IL17F: variants seen among roughly 807,000 people sequenced by gnomAD.
IL17F encodes the protein interleukin 17F.
IL17F carries 6 observed loss-of-function variants against 8.3 expected under a neutral mutation model. The ratio of observed to expected loss-of-function variants is 0.73; its 90% CI spans 0.40 to 1.43. The LOEUF (loss-of-function observed/expected upper bound fraction) is 1.43. IL17F is among the 40% of genes most tolerant of loss of function. The probability of loss-of-function intolerance (pLI) is 0.02; values close to 1 mark genes in which losing one functional copy is unlikely to be tolerated. For missense variants in IL17F, 204 were observed against 209.6 expected (o/e 0.97, Z 0.17); for synonymous variants, 98 against 81.6 (o/e 1.20, Z -1.08).
Position 52,244,415 on chromosome 6 carries a change from G to A in IL17F, c.15C>T (p.Thr5=). 3.1e-6 allele frequency: 5 copies of A among 1,613,982 alleles called. No homozygotes were observed. The highest frequency in any genetic ancestry group is 4.2e-6 in the Non-Finnish European group (5 of 1,179,912). ...TACTCACCATGGCTGGGCCATGCAG[G>A]GTCTTCACTGTCATGTTGCGCTGGT... MTVK[T]LHGPAMVKYL... Residue 5 remains threonine (T), a synonymous_variant, in exon 1 of 3, where the codon ACC becomes ACT. Coordinates refer to ENST00000336123, the MANE Select transcript of IL17F (RefSeq NM_052872.4).
chr6:52,239,153 C>A, intron 1 of IL17F: 1 of 586,098 alleles, frequency 1.7e-6, no homozygotes, highest in Non-Finnish European at 3.0e-6. Context: ...AGTAGCCTAG[C>A]TAGTAACTGA....
intron 1 of IL17F, among the ~76,000 whole-genome samples, chr6:52,244,039 G>A (rs1348006044): frequency 3.3e-5 from 5 of 152,010 alleles, no homozygotes; most frequent in Admixed American, 6.6e-5. Context: ...GATTACAGGC[G>A]TGAGCCACCA....
At position 52,239,651 on chromosome 6, in the gene IL17F, G is replaced by A. The variant is rs368219772; in HGVS notation, c.34-701C>T. 2.0e-4 allele frequency among the ~76,000 whole-genome samples: 16 copies of A among 79,940 alleles called. No individual in the cohort carries two copies. The East Asian group carries it at 5.3e-3, about 27-fold the overall frequency. The allele number at this position is 79,940 out of a possible 152,430, so 52.4% of individuals were successfully genotyped here. A position where few individuals can be genotyped will look rare whatever the true frequency, so the allele number is the denominator to read the frequency against. The stretch of plus-strand genomic sequence containing the variant: ...CATTTTTTAATTGTCTAGAAATGTA[G>A]TATTTGTGTTCCTGTCAGATCTACA... On this transcript the variant is annotated intron_variant, in intron 1 of 2. Transcript: ENST00000336123.
In IL17F at chr6:52,237,094, G is replaced by A; in HGVS notation, c.329C>T (p.Ala110Val). ...AQCRNLGCIN[A>V]QGKEDISMNS... ...CATGGAGATGTCTTCCTTTCCTTGAGCATTGATGCAGCCCAAGTTCCTACA... is the reference window on the plus strand; with the variant it reads ...CATGGAGATGTCTTCCTTTCCTTGAACATTGATGCAGCCCAAGTTCCTACA... The change falls in exon 3 of 3, where the codon GCT becomes GTT. Residue 110 changes from alanine to valine, a missense_variant. Coordinates refer to ENST00000336123, the MANE Select transcript of IL17F (RefSeq NM_052872.4). The A allele has an allele frequency of 1.2e-6, 2 of 1,614,220 alleles. No homozygotes were observed. Among genetic ancestry groups the A allele is most frequent in the Admixed American group, 1.7e-5 (1 of 60,022 alleles).
chr6:52,244,492 C>T lies in IL17F; in HGVS notation c.-63G>A. ...CTGTGAATGTATCTTCCTGTGTATG[C>T]CTGTGTTCTATCAATGAGAGTACCT... On this transcript the variant is annotated 5_prime_UTR_variant, in exon 1 of 3. Transcript: ENST00000336123. 6.7e-7 allele frequency: 1 copy of T among 1,496,332 alleles called. No individual in the cohort carries two copies. The highest frequency in any genetic ancestry group is 9.3e-7 in the Non-Finnish European group (1 of 1,072,692). 92.7% of individuals were successfully genotyped at this position (1,496,332 alleles called of 1,614,324 possible).
chr6:52,244,316 TCAAA>T (rs1439294133), intron 1 of IL17F, 77 bp downstream of exon 1: 2 of 1,355,580 alleles, frequency 1.5e-6, no homozygotes, highest in African/African-American at 1.4e-5. Context: ...AAGACCCCAA[TCAAA>T]CCTAATTCCT....
chr6:52,242,911 C>T (rs186859010), intron 1 of IL17F, among the ~76,000 whole-genome samples: 46 of 152,286 alleles, frequency 3.0e-4, no homozygotes, highest in Non-Finnish European at 6.3e-4. Flanking sequence ...AGAGTATAGA[C>T]TCATTTATTC....
intron 1 of IL17F, among the ~76,000 whole-genome samples, chr6:52,240,500 G>T (rs1013376979): frequency 6.7e-6 from 1 of 150,318 alleles, no homozygotes; most frequent in African/African-American, 2.4e-5. Flanking sequence ...GCTTAGCGTT[G>T]TTCAGGCTCA....
chr6:52,245,042 C>A (rs989986076), upstream of IL17F, among the ~76,000 whole-genome samples: 1 of 152,118 alleles, frequency 6.6e-6, no homozygotes, highest in Non-Finnish European at 1.5e-5. Flanking sequence ...ATTTTTTAAC[C>A]CCATGGTTAG....
At position 52,238,783 on chromosome 6, in the gene IL17F, G is replaced by T; in HGVS notation, c.201C>A (p.Arg67=). ...TCTCGATGTTACGTGACATGGAAAC[G>T]CGCTGGTTTTCATTGATGATGCCAA... is the stretch of plus-strand genomic sequence containing the variant. ...LDIGIINENQ[R]VSMSRNIESR... The change falls in exon 2 of 3, where the codon CGC becomes CGA. Residue 67 remains arginine, a synonymous_variant. Transcript: ENST00000336123. 1.2e-6 allele frequency: 2 copies of T among 1,614,146 alleles called. No individual in the cohort carries two copies. Among genetic ancestry groups the T allele is most frequent in the Non-Finnish European group, 1.7e-6 (2 of 1,180,008 alleles).
chr6:52,245,335 A>T (rs1764143314), upstream of IL17F, among the ~76,000 whole-genome samples: 1 of 152,230 alleles, frequency 6.6e-6, no homozygotes, highest in Admixed American at 6.5e-5. Flanking sequence ...CACCAATCAC[A>T]GGTCCAAGCC....
upstream of IL17F, chr6:52,244,644 A>C: frequency 1.7e-6 from 1 of 586,410 alleles, no homozygotes; most frequent in Non-Finnish European, 3.0e-6. Flanking sequence ...GAAGGGGAAC[A>C]AAAGGGGGAC....
chr6:52,243,035 A>C (rs1764099223), intron 1 of IL17F, among the ~76,000 whole-genome samples: 1 of 152,138 alleles, frequency 6.6e-6, no homozygotes, highest in Non-Finnish European at 1.5e-5. Context: ...TTACCCAAAA[A>C]TCCTACATTT....
chr6:52,239,012 A>G (rs1161943114), intron 1 of IL17F, 62 bp from the exon 2 acceptor site: 18 of 1,431,026 alleles, frequency 1.3e-5, no homozygotes, highest in Admixed American at 6.7e-5. Context: ...CAAGAGATGC[A>G]TGGTCTGGCG....
At chr6:52,237,892 G>A (rs910063555) in intron 2 of IL17F, among the ~76,000 whole-genome samples, 2 of 152,018 alleles carry the variant, frequency 1.3e-5, no homozygotes, top group African/African-American at 4.8e-5. Flanking sequence ...AAGGAAAACA[G>A]TCCCATTGGA....
At chr6:52,244,781 G>A (rs1374480794), upstream of IL17F, among the ~76,000 whole-genome samples, 1 of 152,124 alleles carries the variant, frequency 6.6e-6, no homozygotes, top group African/African-American at 2.4e-5. Context: ...GTTAGAAATT[G>A]TTGTCAAATC....
At chr6:52,238,287 C>T (rs1055422089) in intron 2 of IL17F, among the ~76,000 whole-genome samples, 1 of 152,234 alleles carries the variant, frequency 6.6e-6, no homozygotes, top group African/African-American at 2.4e-5. Context: ...AAGGTCTCCA[C>T]CTAACATCCC....
intron 1 of IL17F, among the ~76,000 whole-genome samples, chr6:52,240,330 G>A (rs575271378): frequency 4.6e-5 from 7 of 151,896 alleles, no homozygotes; most frequent in East Asian, 1.9e-4. Context: ...CCAGCTACTC[G>A]GGAGGCTGAG....
In IL17F at chr6:52,236,970, G is replaced by A. The variant is rs148267766; in HGVS notation, c.453C>T (p.Gly151=). The part of the protein sequence containing the change: ...FQLEKVLVTV[G]CTCVTPVIHH... ...GGATGACAGGGGTGACGCAGGTGCA[G>A]CCAACAGTCACCAGCACCTTCTCCA... The change falls in exon 3 of 3, where the codon GGC becomes GGT. Residue 151 remains glycine, a synonymous_variant. Transcript: ENST00000336123. 29 of 1,614,042 alleles carry A rather than the reference G, an allele frequency of 1.8e-5. No individual in the cohort carries two copies. Among genetic ancestry groups the A allele is most frequent in the Non-Finnish European group, 2.4e-5 (28 of 1,179,982 alleles).
Sources: gnomAD v4.1 joint callset for allele counts (sites outside exome capture counted in the v4.1 genomes callset) on GRCh38, gnomAD v4.1.1 for gene constraint, MANE v1.5 for transcripts, NCBI Gene and HGNC (gene_info 2026-07-23, HGNC 2026-07-21) for gene names.